ATP2B2: variants seen among roughly 807,000 people sequenced by gnomAD.
ATP2B2 encodes ATPase plasma membrane Ca2+ transporting 2.
ATP2B2 carries 15 observed loss-of-function variants against 120.0 expected under a neutral mutation model. The observed-to-expected ratio is 0.12, with a 90% CI of 0.08 to 0.19. The LOEUF (loss-of-function observed/expected upper bound fraction) is 0.19. Among genes scored for constraint, ATP2B2 ranks in the 10% least tolerant of loss-of-function variants. The pLI is 1.00. For missense variants in ATP2B2, 1,045 were observed against 1,719.8 expected, an observed-to-expected ratio of 0.61 and a Z score of 6.94; for synonymous variants, 694 against 700.3, an observed-to-expected ratio of 0.99 and a Z score of 0.14.
At chr3:10,410,582 G>A (rs764407028) in intron 3 of ATP2B2, 36 bp downstream of exon 3, 5 of 1,569,786 alleles carry the variant, frequency 3.2e-6, no homozygotes, top group Non-Finnish European at 1.7e-6. Context: ...GTGGCCAGGT[G>A]TGCGGGGCGG....
At chr3:10,698,128 G>A (rs963896650) in intron 1 of ATP2B2, among the ~76,000 whole-genome samples, 5 of 152,310 alleles carry the variant, frequency 3.3e-5, no homozygotes, top group African/African-American at 1.2e-4. Flanking sequence ...TCCCTGCTGG[G>A]CTCATTCCTC....
intron 1 of ATP2B2, among the ~76,000 whole-genome samples, chr3:10,457,066 T>G (rs2064290500): frequency 6.6e-6 from 1 of 152,152 alleles, no homozygotes; most frequent in Non-Finnish European, 1.5e-5. Flanking sequence ...TGAGTGTGGA[T>G]GTAAGCAGGC....
intron 10 of ATP2B2, among the ~76,000 whole-genome samples, chr3:10,376,138 C>G (rs182978582): frequency 2.6e-5 from 4 of 152,210 alleles, no homozygotes; most frequent in African/African-American, 9.6e-5. Context: ...TAGGACACAG[C>G]AGTAAAGAAG....
intron 1 of ATP2B2, among the ~76,000 whole-genome samples, chr3:10,493,982 G>A (rs2066036879): frequency 6.6e-6 from 1 of 152,192 alleles, no homozygotes; most frequent in Admixed American, 6.5e-5. Context: ...AGGAAAAGCG[G>A]CATGAAGGTG....
In ATP2B2 at chr3:10,358,876, G is replaced by A. The variant is rs748864193; in HGVS notation, c.1951C>T (p.Arg651Cys). ...GAGEPRVFRP[R>C]DRDEMVKKVI... ...TTCTTTACCATCTCGTCCCGGTCGC[G>A]GGGCCGGAAGACACGAGGCTCTCCC... Residue 651 changes from arginine (R) to cysteine (C), a missense_variant, in exon 14 of 23, where the codon CGC becomes TGC. This residue lies in a region of ATP2B2 where 343 missense variants were observed against 536.8 expected (regional missense o/e 0.64). Coordinates refer to ENST00000360273, the MANE Select transcript of ATP2B2 (RefSeq NM_001001331.4). 35 of 1,613,938 alleles carry A rather than the reference G, an allele frequency of 2.2e-5. No individual in the cohort carries two copies. Among genetic ancestry groups the A allele is most frequent in the African/African-American group, 4.0e-5 (3 of 74,904 alleles).
chr3:10,693,036 A>C (rs994364272), intron 1 of ATP2B2, among the ~76,000 whole-genome samples: 1 of 152,094 alleles, frequency 6.6e-6, no homozygotes, highest in African/African-American at 2.4e-5. Context: ...ATGAATGTCC[A>C]TTTTCTTCCA....
In ATP2B2 at chr3:10,505,529, C is replaced by CG. The variant is rs1009373920; in HGVS notation, c.-385dup. 10 of 149,938 alleles carry CG rather than the reference C, an allele frequency of 6.7e-5. No homozygotes were observed. Among genetic ancestry groups the CG allele is most frequent in the Non-Finnish European group, 1.3e-4 (9 of 67,544 alleles). The allele number at this position is 149,938 out of a possible 1,614,324, so 9.3% of individuals were successfully genotyped here. A position where few individuals can be genotyped will look rare whatever the true frequency, so the allele number is the denominator to read the frequency against. ...GGCGGGCAGCCCCGTAATCGCGGTG[C>CG]GGCAGCTGGTGCCGCGGCTGAGCCC... On this transcript the variant is annotated 5_prime_UTR_variant, in exon 1 of 23. Transcript: ENST00000360273.
intron 2 of ATP2B2, among the ~76,000 whole-genome samples, chr3:10,541,883 T>C (rs1466135550): frequency 6.6e-6 from 1 of 152,222 alleles, no homozygotes; most frequent in Non-Finnish European, 1.5e-5. Flanking sequence ...CCAATTGTAA[T>C]TGTGGTCACT....
exon 1 of ATP2B2, chr3:10,707,941 TGCCGCCGCCGCTGCCGCC>T (rs1289052329): frequency 1.3e-5 from 2 of 150,256 alleles, no homozygotes; most frequent in Non-Finnish European, 3.0e-5. Flanking sequence ...AGCGAGATGC[TGCCGCCGCCGCTGCCGCC>T]GCCGCTGCCG....
At chr3:10,373,837 G>A (rs2061309853) in intron 11 of ATP2B2, among the ~76,000 whole-genome samples, 1 of 152,182 alleles carries the variant, frequency 6.6e-6, no homozygotes, top group Admixed American at 6.5e-5. Flanking sequence ...GCCTCTGAAA[G>A]TGCTGGGGAT....
intron 2 of ATP2B2, among the ~76,000 whole-genome samples, chr3:10,567,293 G>A (rs1188129624): frequency 1.3e-5 from 2 of 152,210 alleles, no homozygotes; most frequent in Admixed American, 6.5e-5. Flanking sequence ...TGAAACAAAA[G>A]TCTCAGCTCT....
chr3:10,514,359 T>C (rs1157908876), intron 3 of ATP2B2, among the ~76,000 whole-genome samples: 1 of 152,020 alleles, frequency 6.6e-6, no homozygotes, highest in Non-Finnish European at 1.5e-5. Context: ...CCTTGGGAGA[T>C]GGTGATGCTG....
intron 14 of ATP2B2, among the ~76,000 whole-genome samples, chr3:10,357,531 G>C (rs987159773): frequency 8.5e-5 from 13 of 152,148 alleles, no homozygotes; most frequent in Non-Finnish European, 1.6e-4. Flanking sequence ...CTTAAAGAGA[G>C]GGAAACTGAG....
intron 3 of ATP2B2, among the ~76,000 whole-genome samples, chr3:10,526,714 G>A (rs987307299): frequency 6.6e-6 from 1 of 152,206 alleles, no homozygotes; most frequent in African/African-American, 2.4e-5. Flanking sequence ...GGTGTGGGGA[G>A]TGGAAAGAAT....
intron 1 of ATP2B2, among the ~76,000 whole-genome samples, chr3:10,639,349 T>C (rs556668016): frequency 7.2e-5 from 11 of 152,304 alleles, no homozygotes; most frequent in African/African-American, 2.6e-4. Flanking sequence ...TTATAGGCAA[T>C]AGAAATGTAT....
intron 1 of ATP2B2, among the ~76,000 whole-genome samples, chr3:10,707,060 G>A (rs371390931): frequency 4.8e-4 from 73 of 152,230 alleles, no homozygotes; most frequent in Admixed American, 1.2e-3. Context: ...GAGGCCTCAG[G>A]GCAAGGAGGG....
At chr3:10,691,743 C>G (rs1339225299) in intron 1 of ATP2B2, among the ~76,000 whole-genome samples, 3 of 152,224 alleles carry the variant, frequency 2.0e-5, no homozygotes, top group Non-Finnish European at 2.9e-5. Context: ...CTCCAGAGGG[C>G]ACCATGGGTT....
chr3:10,370,766 C>T (rs1297001441), intron 12 of ATP2B2, among the ~76,000 whole-genome samples: 1 of 152,138 alleles, frequency 6.6e-6, no homozygotes, highest in Non-Finnish European at 1.5e-5. Context: ...CAGGGCTCAG[C>T]ACATTGGGAG....
intron 1 of ATP2B2, among the ~76,000 whole-genome samples, chr3:10,683,501 C>A (rs1197346214): frequency 6.6e-6 from 1 of 151,786 alleles, no homozygotes; most frequent in African/African-American, 2.4e-5. Context: ...TAAACTCCAA[C>A]CTTAAGATCC....
Sources: gnomAD v4.1 joint callset for allele counts (sites outside exome capture counted in the v4.1 genomes callset) on GRCh38, gnomAD v4.1.1 for gene constraint, gnomAD v4.1.1 regional missense constraint, MANE v1.5 for transcripts, NCBI Gene and HGNC (gene_info 2026-07-23, HGNC 2026-07-21) for gene names.